The following KCNN2 variants were observed in gnomAD, a reference collection of about 807,000 sequenced individuals.
KCNN2 encodes the protein potassium calcium-activated channel subfamily N member 2.
Under a neutral mutation model 55.5 loss-of-function variants are expected in KCNN2, and 24 were observed. The ratio of observed to expected loss-of-function variants is 0.43; its 90% CI spans 0.31 to 0.61. The LOEUF (loss-of-function observed/expected upper bound fraction) is 0.61. KCNN2 is among the 20% of genes least tolerant of loss of function. The probability of loss-of-function intolerance (pLI) is 0.08; values close to 1 mark genes in which losing one functional copy is unlikely to be tolerated. For missense variants in KCNN2, 754 were observed against 853.6 expected (o/e 0.88, Z 1.45); for synonymous variants, 431 against 336.1 (o/e 1.28, Z -3.09).
intron 3 of KCNN2, among the ~76,000 whole-genome samples, chr5:114,454,816 C>G (rs1192839551): frequency 6.6e-6 from 1 of 152,214 alleles, no homozygotes; most frequent in Non-Finnish European, 1.5e-5. Context: ...TAGCTTTGGA[C>G]TTTATCCACA....
intron 1 of KCNN2, among the ~76,000 whole-genome samples, chr5:114,121,705 G>T (rs1751832966): frequency 6.6e-6 from 1 of 152,134 alleles, no homozygotes; most frequent in Admixed American, 6.5e-5. Context: ...GTGCCAATGG[G>T]TCCTCCCAGC....
intron 1 of KCNN2, among the ~76,000 whole-genome samples, chr5:114,161,611 G>A (rs1376145666): frequency 1.3e-5 from 2 of 152,142 alleles, no homozygotes; most frequent in African/African-American, 4.8e-5. Flanking sequence ...CAACTTGATT[G>A]CATTCTCCCC....
chr5:114,467,819 T>TATCA (rs1416973552), intron 4 of KCNN2, among the ~76,000 whole-genome samples: 1 of 152,206 alleles, frequency 6.6e-6, no homozygotes, highest in East Asian at 1.9e-4. Context: ...TTTTCTAAAC[T>TATCA]ATCAGCACTT....
intron 2 of KCNN2, among the ~76,000 whole-genome samples, chr5:114,281,810 A>G (rs1314779283): frequency 6.6e-6 from 1 of 152,094 alleles, no homozygotes; most frequent in East Asian, 1.9e-4. Context: ...AGTCAAATTT[A>G]AAGTAACTGG....
chr5:114,072,306 G>A (rs1177168316), intron 1 of KCNN2, among the ~76,000 whole-genome samples: 1 of 150,354 alleles, frequency 6.7e-6, no homozygotes, highest in Non-Finnish European at 1.5e-5. Flanking sequence ...AAAAAAAAAA[G>A]TAATGTCGAT....
rs934253050 is a variant in KCNN2, at chr5:114,198,774, C to T, written c.-270-22706C>T. Among the ~76,000 whole-genome samples the T allele has an allele frequency of 5.3e-5, 8 of 151,512 alleles. No homozygotes were observed. The South Asian group carries it at 8.3e-4, about 16-fold the overall frequency. ...TTGGTATTTATTTCTAGCTTTTTTC[C>T]ACTGTGGTCTGAGAAGATACTTGAT... On this transcript the variant is annotated intron_variant, in intron 1 of 10. Coordinates refer to the KCNN2 transcript ENST00000512097.
At chr5:114,129,065 C>T (rs1751997018) in intron 1 of KCNN2, among the ~76,000 whole-genome samples, 1 of 152,126 alleles carries the variant, frequency 6.6e-6, no homozygotes, top group Non-Finnish European at 1.5e-5. Flanking sequence ...GCCTGACTAA[C>T]AACAGTGGAG....
intron 1 of KCNN2, among the ~76,000 whole-genome samples, chr5:114,088,793 G>A (rs1217350840): frequency 6.6e-6 from 1 of 151,892 alleles, no homozygotes; most frequent in South Asian, 2.1e-4. Flanking sequence ...CTAATTTTTT[G>A]TATTTTTAGT....
chr5:114,059,813 G>A lies in KCNN2; in HGVS notation c.-271+3313G>A, dbSNP rs564422046. Among the ~76,000 whole-genome samples the A allele has an allele frequency of 2.0e-5, 3 of 152,330 alleles. No individual in the cohort carries two copies. The South Asian group carries it at 6.2e-4, about 32-fold the overall frequency. On this transcript the variant is annotated intron_variant, in intron 1 of 10. Coordinates refer to the KCNN2 transcript ENST00000512097. ...AAGGTCAAACAAGGAAGAGGAAAGA[G>A]TGTTGAGCCAGAAACAGGGTCACAA...
At chr5:114,284,986 C>T (rs1021465883) in intron 2 of KCNN2, among the ~76,000 whole-genome samples, 7 of 151,598 alleles carry the variant, frequency 4.6e-5, no homozygotes, top group Non-Finnish European at 1.5e-5. Context: ...GTACCTTGGG[C>T]AGAGTAAGTT....
chr5:114,088,756 A>T (rs1258845990), intron 1 of KCNN2, among the ~76,000 whole-genome samples: 1 of 152,040 alleles, frequency 6.6e-6, no homozygotes, highest in East Asian at 1.9e-4. Context: ...AGTAGCTGAG[A>T]TTCTAGGCGT....
intron 6 of KCNN2, among the ~76,000 whole-genome samples, chr5:114,487,831 T>C (rs1747648715): frequency 6.6e-6 from 1 of 152,200 alleles, no homozygotes; most frequent in Non-Finnish European, 1.5e-5. Flanking sequence ...ATTATTCATG[T>C]GGGTATCGAT....
intron 2 of KCNN2, among the ~76,000 whole-genome samples, chr5:114,384,961 C>T (rs558698643): frequency 6.6e-6 from 1 of 152,210 alleles, no homozygotes; most frequent in East Asian, 1.9e-4. Flanking sequence ...AGGAACTGGT[C>T]TTAATTATGT....
At chr5:114,310,307 A>G (rs1342602403) in intron 2 of KCNN2, among the ~76,000 whole-genome samples, 1 of 152,178 alleles carries the variant, frequency 6.6e-6, no homozygotes, top group Admixed American at 6.6e-5. Flanking sequence ...AGTACTCCAC[A>G]TGGTTAATGG....
intron 2 of KCNN2, among the ~76,000 whole-genome samples, chr5:114,238,587 C>T: frequency 6.6e-6 from 1 of 150,706 alleles, no homozygotes; most frequent in East Asian, 2.0e-4. Context: ...GATCGCGGCA[C>T]TGCACTCCAG....
chr5:114,359,289 G>A (rs530048403), upstream of KCNN2, among the ~76,000 whole-genome samples: 1 of 152,224 alleles, frequency 6.6e-6, no homozygotes, highest in South Asian at 2.1e-4. Context: ...TGAATTTTGT[G>A]CATTCTATCC....
chr5:114,459,847 A>G (rs1354545046), intron 3 of KCNN2, among the ~76,000 whole-genome samples: 1 of 152,220 alleles, frequency 6.6e-6, no homozygotes, highest in Non-Finnish European at 1.5e-5. Flanking sequence ...CGAACAGCAT[A>G]TAGTAAATAT....
intron 1 of KCNN2, among the ~76,000 whole-genome samples, chr5:114,186,114 T>C (rs1472393345): frequency 6.6e-6 from 1 of 152,214 alleles, no homozygotes; most frequent in Non-Finnish European, 1.5e-5. Context: ...CTTAGAGGAA[T>C]TGTGAAATGT....
At chr5:114,231,732 G>C (rs1754366479) in intron 2 of KCNN2, among the ~76,000 whole-genome samples, 1 of 151,104 alleles carries the variant, frequency 6.6e-6, no homozygotes, top group South Asian at 2.1e-4. Flanking sequence ...TTTAGGCTGT[G>C]CTGGGTGGCT....
Sources: gnomAD v4.1 joint callset for allele counts (sites outside exome capture counted in the v4.1 genomes callset) on GRCh38, gnomAD v4.1.1 for gene constraint, MANE v1.5 for transcripts, NCBI Gene and HGNC (gene_info 2026-07-23, HGNC 2026-07-21) for gene names.